CSMD1: variants seen among roughly 807,000 people sequenced by gnomAD.
The protein encoded by CSMD1 is CUB and sushi domain-containing protein 1.
In CSMD1, 213 loss-of-function variants were observed where a neutral mutation model predicts 417.5. That is an observed-to-expected ratio of 0.51 (90% CI 0.46 to 0.57). CSMD1 has a LOEUF of 0.57. Ranked by LOEUF, CSMD1 falls within the 20% of genes least tolerant of loss-of-function variation. CSMD1 has a pLI of 0.00. For synonymous variants in CSMD1, 2,862 were observed against 1,736.8 expected, an observed-to-expected ratio of 1.65 and a Z score of -16.11; for missense variants, 6,923 against 4,529.7, an observed-to-expected ratio of 1.53 and a Z score of -15.17.
At chr8:3,636,083 T>G (rs903562773) in intron 7 of CSMD1, among the ~76,000 whole-genome samples, 1 of 151,972 alleles carries the variant, frequency 6.6e-6, no homozygotes, top group Admixed American at 6.6e-5. Context: ...ATTATTTTTT[T>G]GTACTTTTTG....
At chr8:4,028,280 C>G (rs543175394) in intron 4 of CSMD1, among the ~76,000 whole-genome samples, 1 of 152,108 alleles carries the variant, frequency 6.6e-6, no homozygotes, top group Non-Finnish European at 1.5e-5. Context: ...GAGCAAGTCA[C>G]TTTTCCTACC....
chr8:3,542,703 GT>G (rs1438350033), intron 10 of CSMD1, among the ~76,000 whole-genome samples: 1 of 152,218 alleles, frequency 6.6e-6, no homozygotes, highest in Non-Finnish European at 1.5e-5. Context: ...AAGAATAACT[GT>G]CAAATGTGCT....
At chr8:3,847,606 T>C (rs1302371926) in intron 5 of CSMD1, among the ~76,000 whole-genome samples, 1 of 152,144 alleles carries the variant, frequency 6.6e-6, no homozygotes, top group African/African-American at 2.4e-5. Flanking sequence ...AAGGGGTCCT[T>C]GATTCCAGAC....
chr8:3,011,594 C>A (rs933863330), intron 52 of CSMD1, among the ~76,000 whole-genome samples: 1 of 151,894 alleles, frequency 6.6e-6, no homozygotes, highest in Admixed American at 6.6e-5. Context: ...GTTATAATAG[C>A]GCAATAAATG....
chr8:3,885,985 TTA>T (rs956167220), intron 5 of CSMD1, among the ~76,000 whole-genome samples: 6 of 151,998 alleles, frequency 3.9e-5, no homozygotes, highest in South Asian at 2.1e-4. Flanking sequence ...TTGATTCAAA[TTA>T]TATATATATG....
intron 3 of CSMD1, among the ~76,000 whole-genome samples, chr8:4,114,042 A>G (rs201441675): frequency 6.6e-6 from 1 of 152,220 alleles, no homozygotes; most frequent in East Asian, 1.9e-4. Context: ...ATTGATGAAG[A>G]CGGCTACAAT....
chr8:3,399,362 G>A (rs367546058), intron 16 of CSMD1, 29 bp downstream of exon 16: 3 of 1,576,408 alleles, frequency 1.9e-6, no homozygotes, highest in Non-Finnish European at 1.7e-6. Flanking sequence ...ACACCATTGG[G>A]TCCAAATGAA....
At chr8:3,686,209 G>A (rs1799936170) in intron 7 of CSMD1, among the ~76,000 whole-genome samples, 1 of 152,132 alleles carries the variant, frequency 6.6e-6, no homozygotes, top group Admixed American at 6.5e-5. Context: ...AAGTTAGAGT[G>A]TGGGTCACCC....
intron 3 of CSMD1, among the ~76,000 whole-genome samples, chr8:4,074,025 T>C (rs776565502): frequency 2.0e-5 from 3 of 152,150 alleles, no homozygotes; most frequent in Non-Finnish European, 4.4e-5. Flanking sequence ...AATGCATTTA[T>C]TGCTTCTGCT....
intron 4 of CSMD1, among the ~76,000 whole-genome samples, chr8:4,024,906 T>C (rs1270616108): frequency 6.6e-6 from 1 of 151,468 alleles, no homozygotes; most frequent in Non-Finnish European, 1.5e-5. Context: ...ATAGAATAAA[T>C]GAAAGCATGT....
chr8:3,685,304 A>C (rs1799890890), intron 7 of CSMD1, among the ~76,000 whole-genome samples: 2 of 152,124 alleles, frequency 1.3e-5, no homozygotes, highest in South Asian at 4.2e-4. Context: ...TCGGCAGTCT[A>C]GTTGTCTTTC....
rs1798530209 is a variant in CSMD1, at chr8:3,770,866, C to T, written c.819-16824G>A. ...GGAGGAAAAACAAATGGTCCTGTAG[C>T]TCATATTTTTTAGTCTCATAGCATT... On this transcript the variant is annotated intron_variant, in intron 5 of 69. Transcript: ENST00000635120. Among the ~76,000 whole-genome samples, 3 of 152,146 alleles carry T rather than the reference C, an allele frequency of 2.0e-5. No individual in the cohort carries two copies. In the South Asian group the frequency reaches 6.2e-4, roughly 32 times the overall value.
At chr8:3,185,898 G>C (rs1028387948) in intron 36 of CSMD1, among the ~76,000 whole-genome samples, 1 of 152,286 alleles carries the variant, frequency 6.6e-6, no homozygotes, top group East Asian at 1.9e-4. Context: ...TCTGAGTGTA[G>C]AGAAACAGAC....
At chr8:4,982,474 G>C (rs761236592) in intron 1 of CSMD1, among the ~76,000 whole-genome samples, 1 of 152,138 alleles carries the variant, frequency 6.6e-6, no homozygotes, top group Non-Finnish European at 1.5e-5. Context: ...TGGAGACAAA[G>C]AACGGGTATT....
At chr8:3,183,151 C>G (rs1041324203) in intron 36 of CSMD1, 2 of 149,278 alleles carry the variant, frequency 1.3e-5, no homozygotes, top group Non-Finnish European at 3.0e-5. Flanking sequence ...CCTAATCTAT[C>G]TATCCCTGAA....
chr8:4,621,944 T>G (rs961739308), intron 2 of CSMD1, among the ~76,000 whole-genome samples: 6 of 152,052 alleles, frequency 3.9e-5, no homozygotes, highest in Admixed American at 1.3e-4. Context: ...ACCATTTTAA[T>G]TGATGCCAAA....
intron 12 of CSMD1, among the ~76,000 whole-genome samples, chr8:3,429,867 GAGTTTGGTCACATAA>G (rs1814106527): frequency 6.6e-6 from 1 of 152,130 alleles, no homozygotes; most frequent in African/African-American, 2.4e-5. Flanking sequence ...CAGCACTACT[GAGTTTGGTCACATAA>G]ACTGTGCACC....
In CSMD1 at chr8:4,947,650, C is replaced by T. The variant is rs528463539; in HGVS notation, c.85+46682G>A. Reference sequence around the variant, plus strand: ...TCCTCCCCCCAGTGACAGATAACCACTTACATTTTGGGTTGATCATTCTTG... The same window carrying T: ...TCCTCCCCCCAGTGACAGATAACCATTTACATTTTGGGTTGATCATTCTTG... On this transcript the variant is annotated intron_variant, in intron 1 of 69. Coordinates refer to ENST00000635120, the MANE Select transcript of CSMD1 (RefSeq NM_033225.6). Among the ~76,000 whole-genome samples the T allele has an allele frequency of 3.3e-5, 5 of 152,156 alleles. No homozygotes were observed. In the South Asian group the frequency reaches 1.0e-3, roughly 32 times the overall value.
intron 41 of CSMD1, among the ~76,000 whole-genome samples, chr8:3,126,342 C>A (rs1817508593): frequency 1.3e-5 from 2 of 152,200 alleles, no homozygotes; most frequent in Non-Finnish European, 2.9e-5. Context: ...AGCCCTCGAG[C>A]AACTGCTCTG....
Sources: allele counts gnomAD v4.1 joint callset (sites outside exome capture counted in the v4.1 genomes callset), GRCh38; gene constraint gnomAD v4.1.1; transcripts MANE v1.5; gene names NCBI Gene and HGNC (gene_info 2026-07-23, HGNC 2026-07-21).